The following MAP2K5 variants were observed in gnomAD, a reference collection of about 807,000 sequenced individuals.
MAP2K5 encodes dual specificity mitogen-activated protein kinase kinase 5.
A neutral mutation model predicts 83.1 loss-of-function variants in MAP2K5; 49 were observed. The observed-to-expected ratio is 0.59, with a 90% CI of 0.47 to 0.75. The LOEUF (loss-of-function observed/expected upper bound fraction) is 0.75, where lower values mean the gene tolerates loss of function less well. Ranked by LOEUF, MAP2K5 falls within the 30% of genes least tolerant of loss-of-function variation. MAP2K5 has a pLI of 0.00. For missense variants in MAP2K5, 457 were observed against 557.5 expected, an observed-to-expected ratio of 0.82 and a Z score of 1.82; for synonymous variants, 202 against 191.8, an observed-to-expected ratio of 1.05 and a Z score of -0.44.
rs1282040730 is a variant in MAP2K5 at position 67,724,954 on chromosome 15, C to G, written c.1045-2962C>G. 6.6e-6 allele frequency among the ~76,000 whole-genome samples: 1 copy of G among 152,244 alleles called. No individual in the cohort carries two copies. The highest frequency in any genetic ancestry group is 1.5e-5 in the Non-Finnish European group (1 of 68,048). On this transcript the variant is annotated intron_variant, in intron 16 of 21. Transcript: ENST00000178640. The surrounding 1 kb of genome is among the most constrained non-coding windows in gnomAD (Gnocchi z 4.4). ...CTAGTTAAGATCAAAGAACCATTCT[C>G]TGTCTTCTAACTCTAAAGAGGTCAG...
chr15:67,592,417 G>T (rs989735149), intron 6 of MAP2K5, among the ~76,000 whole-genome samples: 1 of 152,118 alleles, frequency 6.6e-6, no homozygotes, highest in Non-Finnish European at 1.5e-5. Flanking sequence ...TAAGTAACTT[G>T]TCCCAGATCA....
At chr15:67,547,077 A>ACACACACACAC (rs368718348) in intron 1 of MAP2K5, among the ~76,000 whole-genome samples, 47 of 144,196 alleles carry the variant, frequency 3.3e-4, no homozygotes, top group African/African-American at 1.0e-3. Flanking sequence ...AAAAGAAGAA[A>ACACACACACAC]ACACACACAC....
At position 67,748,211 on chromosome 15, in the gene MAP2K5, T is replaced by C; in HGVS notation, c.1075-20T>C. 1.3e-6 allele frequency: 2 copies of C among 1,586,610 alleles called. No individual in the cohort carries two copies. Among genetic ancestry groups the C allele is most frequent in the Non-Finnish European group, 1.7e-6 (2 of 1,155,958 alleles). Reference sequence around the variant, plus strand: ...GTCATTTTGATTATGACATGCTAATTACATATTGCCTTTTTTCAGATTCAG... The same window carrying C: ...GTCATTTTGATTATGACATGCTAATCACATATTGCCTTTTTTCAGATTCAG... On this transcript the variant is annotated intron_variant, in intron 17 of 21. Transcript: ENST00000178640. This position sits in a 1 kb window ranked among gnomAD's most constrained non-coding sequence, Gnocchi z 4.0.
chr15:67,730,535 T>C (rs2089197167), intron 17 of MAP2K5, among the ~76,000 whole-genome samples: 1 of 152,158 alleles, frequency 6.6e-6, no homozygotes, highest in African/African-American at 2.4e-5. Flanking sequence ...AAAGCAAACA[T>C]CCACACTGCT....
intron 2 of MAP2K5, among the ~76,000 whole-genome samples, chr15:67,556,804 C>T (rs1228304784): frequency 2.0e-5 from 3 of 152,122 alleles, no homozygotes; most frequent in Non-Finnish European, 2.9e-5. Context: ...CCACCTGCCT[C>T]GGCCTCCCAA....
chr15:67,692,499 C>T lies in MAP2K5; in HGVS notation c.868C>T (p.Leu290=), dbSNP rs2088140110. The T allele has an allele frequency of 3.1e-6, 5 of 1,613,480 alleles. No individual in the cohort carries two copies. Among genetic ancestry groups the T allele is most frequent in the Non-Finnish European group, 4.2e-6 (5 of 1,179,552 alleles). Residue 290 remains leucine, a synonymous_variant, in exon 14 of 22, where the codon CTA becomes TTA. Transcript: ENST00000178640. ...LHRDVKPSNM[L]VNTRGQVKLC... is the part of the protein sequence containing the mutation. ...TTTAGACGTGAAGCCCTCCAATATGCTAGTAAACACAAGAGGACAGGTTAA... is the reference window on the plus strand; with the variant it reads ...TTTAGACGTGAAGCCCTCCAATATGTTAGTAAACACAAGAGGACAGGTTAA...
chr15:67,653,735 T>C (rs2087004897), intron 11 of MAP2K5, among the ~76,000 whole-genome samples: 1 of 152,166 alleles, frequency 6.6e-6, no homozygotes, highest in Non-Finnish European at 1.5e-5. Flanking sequence ...AGTTTAGTTT[T>C]AGCTTGATGT....
At chr15:67,642,851 T>C (rs2086743582) in intron 9 of MAP2K5, among the ~76,000 whole-genome samples, 1 of 152,208 alleles carries the variant, frequency 6.6e-6, no homozygotes, top group African/African-American at 2.4e-5. Context: ...GCCAGTAGTT[T>C]GGGGTTAATT....
At chr15:67,666,125 A>G (rs1205031049) in intron 13 of MAP2K5, among the ~76,000 whole-genome samples, 2 of 152,210 alleles carry the variant, frequency 1.3e-5, no homozygotes, top group African/African-American at 4.8e-5. Context: ...GGGCAGTGCC[A>G]TGGAAATTCG....
intron 17 of MAP2K5, among the ~76,000 whole-genome samples, chr15:67,742,798 A>G (rs554906523): frequency 1.3e-5 from 2 of 152,390 alleles, no homozygotes; most frequent in South Asian, 4.1e-4. Context: ...ACCAACAGGA[A>G]GATTTACTTT....
intron 8 of MAP2K5, chr15:67,627,932 G>A (rs1391021480): frequency 2.5e-6 from 2 of 793,374 alleles, no homozygotes; most frequent in African/African-American, 3.4e-5. Flanking sequence ...AACAACCGAT[G>A]AGAGCCTGAG....
chr15:67,647,012 T>G (rs1159377668), intron 11 of MAP2K5, among the ~76,000 whole-genome samples: 1 of 152,230 alleles, frequency 6.6e-6, no homozygotes, highest in East Asian at 1.9e-4. Flanking sequence ...TTGACCTGAA[T>G]ATTACGGCAA....
Position 67,636,277 on chromosome 15 carries a change from G to A in MAP2K5, c.585+5350G>A, listed in dbSNP as rs2086601584. ...CAAAAAATTAGCTGGCCGTGGTGTC[G>A]GGCGCTTGTAGTCCCAGCTACTCAG... On this transcript the variant is annotated intron_variant, in intron 9 of 21. Transcript: ENST00000178640. The surrounding 1 kb of genome is among the most constrained non-coding windows in gnomAD (Gnocchi z 4.7). Among the ~76,000 whole-genome samples the A allele has an allele frequency of 6.6e-6, 1 of 151,996 alleles. No homozygotes were observed.
chr15:67,663,691 A>C (rs2087297747), intron 12 of MAP2K5, among the ~76,000 whole-genome samples: 1 of 152,026 alleles, frequency 6.6e-6, no homozygotes. Flanking sequence ...TTGACAACAA[A>C]ACAAGATCAC....
intron 3 of MAP2K5, among the ~76,000 whole-genome samples, chr15:67,569,037 A>AAT: frequency 6.6e-6 from 1 of 151,108 alleles, no homozygotes; most frequent in African/African-American, 2.4e-5. Context: ...AAAAAACAAA[A>AAT]CTCTGTGGGC....
rs141970699 is a variant in MAP2K5 at position 67,604,272 on chromosome 15, G to A, written c.545+3523G>A. 3.3e-3 allele frequency among the ~76,000 whole-genome samples: 504 copies of A among 152,340 alleles called. 3 individuals are homozygous for A. Among genetic ancestry groups the A allele is most frequent in the Middle Eastern group, 6.8e-3 (2 of 294 alleles). The stretch of plus-strand genomic sequence containing the variant: ...TAATTTGGGCTACATGGAACATAAA[G>A]GAAATACCTTAAAGTATGGCCCAAG... On this transcript the variant is annotated intron_variant, in intron 8 of 21. Transcript: ENST00000178640.
Position 67,748,162 on chromosome 15 carries a change from A to C in MAP2K5, c.1075-69A>C. On this transcript the variant is annotated intron_variant, in intron 17 of 21. Coordinates refer to ENST00000178640, the MANE Select transcript of MAP2K5 (RefSeq NM_145160.3). This position sits in a 1 kb window ranked among gnomAD's most constrained non-coding sequence, Gnocchi z 4.0. ...ACCAGCAATGCAATAATTTTCTCTC[A>C]GTGATCATAATGTGTCCAAGTGAGT... is the stretch of plus-strand genomic sequence containing the variant. The C allele has an allele frequency of 9.1e-7, 1 of 1,097,326 alleles. No individual in the cohort carries two copies. Among genetic ancestry groups the C allele is most frequent in the Non-Finnish European group, 1.4e-6 (1 of 731,300 alleles). 68.0% of individuals were successfully genotyped at this position (1,097,326 alleles called of 1,614,324 possible).
At chr15:67,732,492 GTTC>G (rs921328129) in intron 17 of MAP2K5, among the ~76,000 whole-genome samples, 12 of 152,148 alleles carry the variant, frequency 7.9e-5, no homozygotes, top group African/African-American at 2.2e-4. Flanking sequence ...TAAAAATACT[GTTC>G]TTCTTTTGGC....
Position 67,638,131 on chromosome 15 carries a change from G to A in MAP2K5, c.585+7204G>A, listed in dbSNP as rs915252507. 6.6e-6 allele frequency among the ~76,000 whole-genome samples: 1 copy of A among 151,596 alleles called. No individual in the cohort carries two copies. Among genetic ancestry groups the A allele is most frequent in the Non-Finnish European group, 1.5e-5 (1 of 67,948 alleles). Reference sequence around the variant, plus strand: ...GCAGGTTTGTTATATAAGTATACTTGTGCCATGGGGGTTTGTTGTACAGAT... The same window carrying A: ...GCAGGTTTGTTATATAAGTATACTTATGCCATGGGGGTTTGTTGTACAGAT... On this transcript the variant is annotated intron_variant, in intron 9 of 21. Transcript: ENST00000178640. The surrounding 1 kb of genome is among the most constrained non-coding windows in gnomAD (Gnocchi z 4.5).
Sources: allele counts gnomAD v4.1 joint callset (sites outside exome capture counted in the v4.1 genomes callset), GRCh38; gene constraint gnomAD v4.1.1; non-coding constraint Gnocchi (gnomAD v3.1); transcripts MANE v1.5; gene names NCBI Gene and HGNC (gene_info 2026-07-23, HGNC 2026-07-21).